GPNMB: variants seen among roughly 807,000 people sequenced by gnomAD.
The protein encoded by GPNMB is transmembrane glycoprotein NMB.
Under a neutral mutation model 57.3 loss-of-function variants are expected in GPNMB, and 71 were observed. That is an observed-to-expected ratio of 1.24 (90% confidence interval 1.02 to 1.51). GPNMB has a LOEUF of 1.51. GPNMB is among the 40% of genes most tolerant of loss of function. GPNMB has a pLI of 0.00. For missense variants in GPNMB, 677 were observed against 691.9 expected (o/e 0.98, Z 0.24); for synonymous variants, 253 against 263.2 (o/e 0.96, Z 0.38).
At position 23,270,026 on chromosome 7, in the gene GPNMB, C is replaced by T. The variant is rs1267007720; in HGVS notation, c.1280C>T (p.Thr427Ile). The T allele has an allele frequency of 6.2e-7, 1 of 1,614,060 alleles. No homozygotes were observed. The highest frequency in any genetic ancestry group is 8.5e-7 in the Non-Finnish European group (1 of 1,180,040). ...CCCACCTGCGAGATCACCCAGAACA[C>T]AGTCTGCAGCCCTGTGGATGTGGAT... ...SDPTCEITQN[T>I]VCSPVDVDEM... The change falls in exon 9 of 11, where the codon ACA becomes ATA. Residue 427 changes from threonine (T) to isoleucine (I), a missense_variant. By Grantham distance (89) the Thr-to-Ile change is moderately conservative. Transcript: ENST00000258733.
chr7:23,257,895 G>T (rs916510862), intron 4 of GPNMB: 3 of 152,092 alleles, frequency 2.0e-5, no homozygotes, highest in Non-Finnish European at 4.4e-5. Flanking sequence ...TTCTTTGCTA[G>T]TATTTAAGAT....
Position 23,274,995 on chromosome 7 carries a change from G to A in GPNMB, c.*771G>A, listed in dbSNP as rs536000266. On this transcript the variant is annotated 3_prime_UTR_variant, in exon 11 of 11. Coordinates refer to ENST00000258733, the MANE Select transcript of GPNMB (RefSeq NM_002510.3). Reference sequence around the variant, plus strand: ...AAGATGAGGTCCCTGGTTTTTCATGGCAACTTGATCAGTAAGGATTTCACC... The same window carrying A: ...AAGATGAGGTCCCTGGTTTTTCATGACAACTTGATCAGTAAGGATTTCACC... 3.3e-5 allele frequency: 5 copies of A among 151,988 alleles called. No homozygotes were observed. Among genetic ancestry groups the A allele is most frequent in the African/African-American group, 1.2e-4 (5 of 41,462 alleles). 9.4% of individuals were successfully genotyped at this position (151,988 alleles called of 1,614,324 possible).
At chr7:23,266,377 T>G (rs957427076) in intron 6 of GPNMB, 140 bp from the exon 7 acceptor site, 4 of 750,362 alleles carry the variant, frequency 5.3e-6, no homozygotes, top group Non-Finnish European at 8.7e-6. Context: ...TAGTTCAAAT[T>G]TCTATAGCAA....
chr7:23,250,547 TAGTGGGACCCCCATCTCTTCAAA>T (rs1358727621), intron 1 of GPNMB, among the ~76,000 whole-genome samples: 1 of 147,338 alleles, frequency 6.8e-6, no homozygotes, highest in Non-Finnish European at 1.5e-5. Flanking sequence ...CTGAGCAACA[TAGTGGGACCCCCATCTCTTCAAA>T]AAAAAAAAAA....
chr7:23,267,137 G>A (rs1423520718), intron 7 of GPNMB, among the ~76,000 whole-genome samples: 1 of 152,060 alleles, frequency 6.6e-6, no homozygotes, highest in Non-Finnish European at 1.5e-5. Flanking sequence ...GGAAGCCCAA[G>A]CAGTGTCCCC....
chr7:23,271,785 G>C (rs1416485014), intron 9 of GPNMB, among the ~76,000 whole-genome samples: 2 of 151,762 alleles, frequency 1.3e-5, no homozygotes, highest in Non-Finnish European at 2.9e-5. Flanking sequence ...AACAGAGTGA[G>C]ACTCCATCTC....
At chr7:23,257,398 C>G (rs1782807393) in intron 4 of GPNMB, 1 of 468,152 alleles carries the variant, frequency 2.1e-6, no homozygotes, top group Non-Finnish European at 3.8e-6. Context: ...GGAGACCGGG[C>G]ATGTGGCTCA....
rs991977215 is a variant in GPNMB, at chr7:23,273,742, A to C, written c.1523+128A>C. 4.6e-6 allele frequency: 3 copies of C among 657,348 alleles called. No homozygotes were observed. The African/African-American group carries it at 5.4e-5, about 12-fold the overall frequency. The allele number at this position is 657,348 out of a possible 1,614,324, so 40.7% of individuals were successfully genotyped here. ...TTTGTGTAGGGGAGGAAAATATTACATTGAATGGTGAATACCAAACTGGCC... is the reference window on the plus strand; with the variant it reads ...TTTGTGTAGGGGAGGAAAATATTACCTTGAATGGTGAATACCAAACTGGCC... On this transcript the variant is annotated intron_variant, in intron 10 of 10. Coordinates refer to ENST00000258733, the MANE Select transcript of GPNMB (RefSeq NM_002510.3).
chr7:23,272,463 G>C (rs1783230976), intron 9 of GPNMB, among the ~76,000 whole-genome samples: 1 of 152,048 alleles, frequency 6.6e-6, no homozygotes. Flanking sequence ...GTCTGAAAGA[G>C]AGAGAGAGAG....
intron 4 of GPNMB, chr7:23,257,756 A>G (rs1782817335): frequency 6.6e-6 from 1 of 152,190 alleles, no homozygotes; most frequent in African/African-American, 2.4e-5. Flanking sequence ...ATGTTCTCTA[A>G]AGAATTTTTA....
intron 9 of GPNMB, 154 bp from the exon 10 acceptor site, chr7:23,273,367 A>G (rs1048606138): frequency 1.7e-6 from 1 of 604,186 alleles, no homozygotes; most frequent in Non-Finnish European, 2.9e-6. Flanking sequence ...TGACCCAAAG[A>G]CTATGTATTA....
chr7:23,274,130 G>A lies in GPNMB; in HGVS notation c.1589G>A (p.Ser530Asn), dbSNP rs780971042. Residue 530 changes from serine to asparagine, a missense_variant, in exon 11 of 11, where the codon AGT becomes AAT. By Grantham distance (46) the Ser-to-Asn change is conservative. Coordinates refer to ENST00000258733, the MANE Select transcript of GPNMB (RefSeq NM_002510.3). ...AATGTGGTCAGAAGCAAAGGCCTGA[G>A]TGTCTTTCTCAACCGTGCAAAAGCC... ...PGNVVRSKGL[S>N]VFLNRAKAVF... 1.9e-6 allele frequency: 3 copies of A among 1,613,318 alleles called. No individual in the cohort carries two copies. Among genetic ancestry groups the A allele is most frequent in the Non-Finnish European group, 2.5e-6 (3 of 1,179,274 alleles).
chr7:23,268,459 A>G (rs1054770074), intron 8 of GPNMB, among the ~76,000 whole-genome samples: 1 of 152,206 alleles, frequency 6.6e-6, no homozygotes, highest in Non-Finnish European at 1.5e-5. Flanking sequence ...GCAACGCCTG[A>G]TAATCCTCTC....
At chr7:23,266,678 T>C in intron 7 of GPNMB, 63 bp downstream of exon 7, 1 of 1,495,092 alleles carries the variant, frequency 6.7e-7, no homozygotes, top group South Asian at 1.2e-5. Context: ...TCACCCACTC[T>C]CTCTGCTAAC....
chr7:23,271,813 A>C (rs1355752725), intron 9 of GPNMB, among the ~76,000 whole-genome samples: 2 of 147,622 alleles, frequency 1.4e-5, no homozygotes, highest in Non-Finnish European at 2.9e-5. Flanking sequence ...CAAACACAAC[A>C]AAAAAAACTA....
intron 9 of GPNMB, among the ~76,000 whole-genome samples, chr7:23,271,693 G>T (rs1328805900): frequency 6.6e-6 from 1 of 152,098 alleles, no homozygotes; most frequent in Non-Finnish European, 1.5e-5. Flanking sequence ...CTACTCGGGA[G>T]GCTGAGGTAG....
chr7:23,266,658 C>T, intron 7 of GPNMB, 43 bp downstream of exon 7: 4 of 1,585,088 alleles, frequency 2.5e-6, no homozygotes, highest in South Asian at 1.1e-5. Flanking sequence ...ATGCTAGACT[C>T]CACCTAGGGT....
At chr7:23,273,856 A>G in intron 10 of GPNMB, 2 of 585,482 alleles carry the variant, frequency 3.4e-6, no homozygotes, top group Non-Finnish European at 6.0e-6. Context: ...TAATTTTAAC[A>G]TGATAGTCTC....
At position 23,268,000 on chromosome 7, in the gene GPNMB, A is replaced by G. The variant is rs369336246; in HGVS notation, c.1220+12A>G. On this transcript the variant is annotated intron_variant, in intron 8 of 10. Transcript: ENST00000258733. ...ACCTGCCAAGGGAGGTGAGTATATT[A>G]TCTCCGACAGAGGCATGGGTGGGTC... is the stretch of plus-strand genomic sequence containing the variant. The G allele has an allele frequency of 4.0e-5, 62 of 1,532,032 alleles. No homozygotes were observed. Among genetic ancestry groups the G allele is most frequent in the African/African-American group, 1.7e-4 (10 of 57,982 alleles). 94.9% of individuals were successfully genotyped at this position (1,532,032 alleles called of 1,614,324 possible). A position where few individuals can be genotyped will look rare whatever the true frequency, so the allele number is the denominator to read the frequency against.
Sources: allele counts gnomAD v4.1 joint callset (sites outside exome capture counted in the v4.1 genomes callset), GRCh38; gene constraint gnomAD v4.1.1; transcripts MANE v1.5; gene names NCBI Gene and HGNC (gene_info 2026-07-23, HGNC 2026-07-21).